Variants in SLC9A3 observed in about 807,000 individuals in gnomAD.
The protein encoded by SLC9A3 is sodium/hydrogen exchanger 3.
In SLC9A3, 37 loss-of-function variants were observed where a neutral mutation model predicts 86.8. That is an observed-to-expected ratio of 0.43 (90% CI 0.33 to 0.56). The LOEUF is 0.56. Ranked by LOEUF, SLC9A3 falls within the 20% of genes least tolerant of loss-of-function variation. SLC9A3 has a pLI of 0.06. For synonymous variants in SLC9A3, 581 were observed against 528.3 expected (o/e 1.10, Z -1.37); for missense variants, 1,011 against 1,171.9 (o/e 0.86, Z 2.00).
chr5:513,458 C>T (rs1056658879), intron 1 of SLC9A3, among the ~76,000 whole-genome samples: 3 of 152,196 alleles, frequency 2.0e-5, no homozygotes, highest in Admixed American at 1.3e-4. Context: ...CCTAAAAGCA[C>T]GTGGCCCCTC....
intron 1 of SLC9A3, among the ~76,000 whole-genome samples, chr5:507,085 T>A (rs867080419): frequency 7.2e-5 from 8 of 110,862 alleles, no homozygotes; most frequent in South Asian, 5.6e-4. Context: ...AAAAAATAAA[T>A]AAATAAATAA....
chr5:500,730 G>T (rs372868446), intron 1 of SLC9A3, among the ~76,000 whole-genome samples: 1 of 145,394 alleles, frequency 6.9e-6, no homozygotes, highest in Non-Finnish European at 1.5e-5. Context: ...GGGTGTGGAC[G>T]GGGCTGGTGT....
At chr5:489,467 G>C (rs1739625440) in intron 2 of SLC9A3, among the ~76,000 whole-genome samples, 2 of 152,196 alleles carry the variant, frequency 1.3e-5, no homozygotes, top group Non-Finnish European at 1.5e-5. Flanking sequence ...AGACAGCAGA[G>C]AGCAGCCTGG....
At chr5:504,664 C>T (rs1740464011) in intron 1 of SLC9A3, among the ~76,000 whole-genome samples, 1 of 152,206 alleles carries the variant, frequency 6.6e-6, no homozygotes, top group South Asian at 2.1e-4. Flanking sequence ...TGGGCAGTGC[C>T]TCCCTCTGGG....
intron 16 of SLC9A3, among the ~76,000 whole-genome samples, chr5:473,908 G>A (rs560857253): frequency 6.6e-6 from 1 of 152,376 alleles, no homozygotes; most frequent in East Asian, 1.9e-4. Context: ...CCTGCTCTCA[G>A]CTCCCTGGGA....
intron 2 of SLC9A3, among the ~76,000 whole-genome samples, chr5:490,706 CCT>C: frequency 6.6e-6 from 1 of 152,358 alleles, no homozygotes; most frequent in South Asian, 2.1e-4. Flanking sequence ...TGCTACAACC[CCT>C]GAGGCTTTCC....
chr5:522,938 C>A (rs961801118), intron 1 of SLC9A3, among the ~76,000 whole-genome samples: 8 of 151,956 alleles, frequency 5.3e-5, no homozygotes, highest in African/African-American at 1.9e-4. Flanking sequence ...AGACTCCCCC[C>A]CGGCCAGCAT....
chr5:491,749 CA>C lies in SLC9A3; in HGVS notation c.514+19del, dbSNP rs1739753852. The C allele has an allele frequency of 6.7e-7, 1 of 1,499,198 alleles. No individual in the cohort carries two copies. The highest frequency in any genetic ancestry group is 2.1e-5 in the Admixed American group (1 of 48,246). The allele number at this position is 1,499,198 out of a possible 1,614,324, so 92.9% of individuals were successfully genotyped here. On this transcript the variant is annotated intron_variant, in intron 2 of 16. Transcript: ENST00000264938. The surrounding 1 kb of genome is among the most constrained non-coding windows in gnomAD (Gnocchi z 9.2). ...GACCCCACCCTGATCCCGGCCGGGG[CA>C]ACAGTGGCGCAGACTCACCCATGAG...
chr5:482,300 T>C (rs1319028648), intron 7 of SLC9A3, 143 bp from the exon 8 acceptor site: 1 of 703,318 alleles, frequency 1.4e-6, no homozygotes, highest in South Asian at 1.8e-5. Flanking sequence ...CCCGCGCCCC[T>C]GCTTTGCAGA....
intron 16 of SLC9A3, among the ~76,000 whole-genome samples, chr5:473,643 G>A (rs1279306603): frequency 6.6e-6 from 1 of 152,178 alleles, no homozygotes; most frequent in Non-Finnish European, 1.5e-5. Flanking sequence ...CCTCGGCGCA[G>A]GAAGGTCCCG....
At chr5:475,321 T>A in intron 15 of SLC9A3, 189 bp from the exon 16 acceptor site, 1 of 642,376 alleles carries the variant, frequency 1.6e-6, no homozygotes, top group Non-Finnish European at 2.7e-6. Flanking sequence ...GCAGCACAGG[T>A]AACGTCTCGC....
In SLC9A3 at chr5:524,387, A is replaced by AC. The variant is rs1203869950; in HGVS notation, c.-66dup. 4.3e-6 allele frequency: 3 copies of AC among 694,148 alleles called. No homozygotes were observed. The African/African-American group carries it at 5.7e-5, about 13-fold the overall frequency. The allele number at this position is 694,148 out of a possible 1,614,324, so 43.0% of individuals were successfully genotyped here. ...GGGGGGTCCCGGCTGGGCTGGGCCG[A>AC]CGCGCGGGGCTGGGACCCGGCGAGG... On this transcript the variant is annotated 5_prime_UTR_variant, in exon 1 of 17. Coordinates refer to ENST00000264938, the MANE Select transcript of SLC9A3 (RefSeq NM_004174.4).
At chr5:509,591 C>T (rs889110745) in intron 1 of SLC9A3, among the ~76,000 whole-genome samples, 6 of 152,188 alleles carry the variant, frequency 3.9e-5, no homozygotes, top group Admixed American at 1.3e-4. Flanking sequence ...GGAACTCAGG[C>T]GTGGGCAGAA....
Position 501,574 on chromosome 5 carries a change from G to A in SLC9A3, c.212-9503C>T, listed in dbSNP as rs181764434. On this transcript the variant is annotated intron_variant, in intron 1 of 16. Coordinates refer to ENST00000264938, the MANE Select transcript of SLC9A3 (RefSeq NM_004174.4). ...CACGCACACAGAGACTCGCAGAGAC[G>A]CAGAGACGTGCAGAGACACACAGAG... Among the ~76,000 whole-genome samples, 149 of 152,256 alleles carry A rather than the reference G, an allele frequency of 9.8e-4. 12 individuals carry two copies. In the East Asian group the frequency reaches 0.012, roughly 12 times the overall value.
At chr5:500,659 G>A (rs1470763635) in intron 1 of SLC9A3, among the ~76,000 whole-genome samples, 1 of 107,308 alleles carries the variant, frequency 9.3e-6, no homozygotes, top group African/African-American at 5.0e-5. Context: ...CATGGGGCTA[G>A]TATGGATGGG....
rs922580912 is a variant in SLC9A3 at position 475,539 on chromosome 5, G to C, written c.2251+22C>G. The C allele has an allele frequency of 3.5e-6, 5 of 1,444,180 alleles. No homozygotes were observed. The South Asian group carries it at 4.9e-5, about 14-fold the overall frequency. 89.5% of individuals were successfully genotyped at this position (1,444,180 alleles called of 1,614,324 possible). ...CAGGAGCCACCCCTCCCTTAGCCAC[G>C]ACGCCTGTGCCCCGTCCCCACCTGC... On this transcript the variant is annotated intron_variant, in intron 15 of 16. Coordinates refer to ENST00000264938, the MANE Select transcript of SLC9A3 (RefSeq NM_004174.4).
Position 473,018 on chromosome 5 carries a change from C to A in SLC9A3, c.*361G>T. 1 of 431,622 alleles carries A rather than the reference C, an allele frequency of 2.3e-6. No homozygotes were observed. Among genetic ancestry groups the A allele is most frequent in the Non-Finnish European group, 4.1e-6 (1 of 242,330 alleles). 26.7% of individuals were successfully genotyped at this position (431,622 alleles called of 1,614,324 possible). On this transcript the variant is annotated 3_prime_UTR_variant, in exon 17 of 17. Coordinates refer to ENST00000264938, the MANE Select transcript of SLC9A3 (RefSeq NM_004174.4). ...CGTGCGGCGGTGCGTGGCACGAGGG[C>A]GGCAGCGACGCCAGCTTCAGCAGCG...
chr5:475,733 C>A, intron 14 of SLC9A3, 62 bp from the exon 15 acceptor site: 1 of 919,326 alleles, frequency 1.1e-6, no homozygotes, highest in Non-Finnish European at 1.7e-6. Flanking sequence ...ACAGCCCAGT[C>A]AGCAGTGTCC....
At chr5:520,150 G>A (rs1207545741) in intron 1 of SLC9A3, among the ~76,000 whole-genome samples, 1 of 151,788 alleles carries the variant, frequency 6.6e-6, no homozygotes, top group Non-Finnish European at 1.5e-5. Flanking sequence ...CTGAGCCAGC[G>A]CTGCCCAGCT....
Sources: gnomAD v4.1 joint callset for allele counts (sites outside exome capture counted in the v4.1 genomes callset) on GRCh38, gnomAD v4.1.1 for gene constraint, Gnocchi (gnomAD v3.1) non-coding constraint, MANE v1.5 for transcripts, NCBI Gene and HGNC (gene_info 2026-07-23, HGNC 2026-07-21) for gene names.